SULT1C3: variants seen among roughly 807,000 people sequenced by gnomAD.
SULT1C3 encodes sulfotransferase 1C3.
In SULT1C3, 31 loss-of-function variants were observed where a neutral mutation model predicts 28.4. The observed-to-expected ratio is 1.09, with a 90% CI of 0.82 to 1.47. The LOEUF (loss-of-function observed/expected upper bound fraction) is 1.47. Ranked by LOEUF, SULT1C3 falls within the 40% of genes most tolerant of loss-of-function variation. SULT1C3 has a pLI of 0.00. For synonymous variants in SULT1C3, 106 were observed against 92.2 expected (o/e 1.15, Z -0.86); for missense variants, 307 against 272.5 (o/e 1.13, Z -0.89).
chr2:108,250,041 G>A (rs972109216), intron 2 of SULT1C3, among the ~76,000 whole-genome samples: 1 of 151,874 alleles, frequency 6.6e-6, no homozygotes, highest in Admixed American at 6.6e-5. Flanking sequence ...GAAAAAAATG[G>A]AAAGCACTAC....
chr2:108,258,825 A>G lies in SULT1C3; in HGVS notation c.618A>G (p.Lys206=), dbSNP rs1675942556. The part of the protein sequence containing the change: ...RILYLFYEDI[K]KNPKHEIHKV... The stretch of plus-strand genomic sequence containing the variant: ...TCTACCTCTTCTACGAGGATATTAA[A>G]AAAGTAAGTGGCACTGAGACTTATA... The change falls in exon 6 of 8, where the codon AAA becomes AAG. Residue 206 remains lysine (K), a synonymous_variant. Coordinates refer to ENST00000681802, the MANE Select transcript of SULT1C3 (RefSeq NM_001320878.2). The G allele has an allele frequency of 1.2e-6, 2 of 1,611,212 alleles. No homozygotes were observed. The highest frequency in any genetic ancestry group is 1.7e-6 in the Non-Finnish European group (2 of 1,178,176).
At chr2:108,255,271 T>C (rs1190809267) in intron 4 of SULT1C3, among the ~76,000 whole-genome samples, 1 of 151,926 alleles carries the variant, frequency 6.6e-6, no homozygotes, top group Non-Finnish European at 1.5e-5. Context: ...GCATATCACA[T>C]CATATTCCAT....
downstream of SULT1C3, chr2:108,265,211 C>T: frequency 6.3e-7 from 1 of 1,595,374 alleles, no homozygotes; most frequent in Non-Finnish European, 8.6e-7. Flanking sequence ...ACTCCTGCAG[C>T]AATCATTAAG....
At chr2:108,250,226 A>G (rs1304607972) in intron 2 of SULT1C3, among the ~76,000 whole-genome samples, 1 of 151,800 alleles carries the variant, frequency 6.6e-6, no homozygotes, top group African/African-American at 2.4e-5. Flanking sequence ...ACAACTAAGA[A>G]CAAAAAACAA....
chr2:108,260,362 G>C (rs967380407), intron 7 of SULT1C3, among the ~76,000 whole-genome samples: 1 of 152,120 alleles, frequency 6.6e-6, no homozygotes, highest in Non-Finnish European at 1.5e-5. Flanking sequence ...TGAGGAAGGA[G>C]TATAAGGATG....
chr2:108,264,941 G>A (rs1258035742), downstream of SULT1C3: 2 of 1,613,944 alleles, frequency 1.2e-6, no homozygotes, highest in East Asian at 2.2e-5. Flanking sequence ...AAAACCCAAT[G>A]ACCAACTATA....
At chr2:108,244,185 T>G (rs1675529438) in intron 1 of SULT1C3, among the ~76,000 whole-genome samples, 1 of 152,244 alleles carries the variant, frequency 6.6e-6, no homozygotes, top group African/African-American at 2.4e-5. Context: ...ACAATGATCC[T>G]TATTATCCCC....
intron 1 of SULT1C3, among the ~76,000 whole-genome samples, chr2:108,245,156 A>G (rs1222157158): frequency 4.6e-5 from 7 of 152,120 alleles, no homozygotes; most frequent in Non-Finnish European, 1.0e-4. Flanking sequence ...ACCCATTTAA[A>G]TGTGCCACCC....
chr2:108,241,064 T>G (rs915150015), intron 1 of SULT1C3, among the ~76,000 whole-genome samples: 1 of 152,166 alleles, frequency 6.6e-6, no homozygotes, highest in South Asian at 2.1e-4. Flanking sequence ...CAACATGGAG[T>G]TAGTTCCCAG....
chr2:108,253,248 A>C (rs1675778157), intron 3 of SULT1C3, 97 bp from the exon 4 acceptor site: 1 of 737,364 alleles, frequency 1.4e-6, no homozygotes, highest in South Asian at 5.1e-5. Context: ...GATATAAAAC[A>C]AAATATAATC....
intron 2 of SULT1C3, among the ~76,000 whole-genome samples, chr2:108,250,244 AT>A (rs1177814588): frequency 3.3e-5 from 5 of 151,974 alleles, no homozygotes; most frequent in Admixed American, 6.6e-5. Context: ...CAAAAAAAAA[AT>A]GTATTAAAGT....
At chr2:108,263,217 T>C (rs1346008403), downstream of SULT1C3, among the ~76,000 whole-genome samples, 3 of 152,164 alleles carry the variant, frequency 2.0e-5, no homozygotes, top group Admixed American at 6.5e-5. Context: ...ATAAAACTTA[T>C]ATAATCCTAA....
chr2:108,260,304 A>C (rs1367096600), intron 7 of SULT1C3, among the ~76,000 whole-genome samples: 1 of 152,072 alleles, frequency 6.6e-6, no homozygotes, highest in Non-Finnish European at 1.5e-5. Flanking sequence ...TGTACCCTGG[A>C]GCAGAAGATT....
chr2:108,264,835 G>A (rs760762798), downstream of SULT1C3: 54 of 1,609,628 alleles, frequency 3.4e-5, no homozygotes, highest in Admixed American at 1.0e-4. Flanking sequence ...GACCCAAAGC[G>A]GGAAATTGAG....
downstream of SULT1C3, among the ~76,000 whole-genome samples, chr2:108,262,461 T>A (rs1156521720): frequency 6.6e-6 from 1 of 152,224 alleles, no homozygotes; most frequent in Non-Finnish European, 1.5e-5. Context: ...ATTTCTTCCA[T>A]GCAATGGATG....
intron 5 of SULT1C3, among the ~76,000 whole-genome samples, chr2:108,257,382 T>C (rs1019689962): frequency 2.0e-5 from 3 of 152,044 alleles, no homozygotes; most frequent in African/African-American, 4.8e-5. Flanking sequence ...ATATACATTA[T>C]ATATGTACAT....
At chr2:108,264,396 G>A (rs369929158), downstream of SULT1C3, among the ~76,000 whole-genome samples, 10 of 152,146 alleles carry the variant, frequency 6.6e-5, no homozygotes, top group African/African-American at 2.2e-4. Context: ...GGTTCTTTTT[G>A]CCATCTGTTG....
intron 2 of SULT1C3, among the ~76,000 whole-genome samples, chr2:108,252,089 A>G (rs914730545): frequency 9.9e-5 from 15 of 151,994 alleles, no homozygotes; most frequent in Non-Finnish European, 2.1e-4. Flanking sequence ...ATACATACAT[A>G]CATACATACT....
At chr2:108,247,399 T>G (rs1476334844) in intron 2 of SULT1C3, 33 bp downstream of exon 2, 13 of 1,463,964 alleles carry the variant, frequency 8.9e-6, no homozygotes, top group African/African-American at 1.4e-5. Context: ...ATATTCAATA[T>G]TTTCACGTGA....
Sources: allele counts gnomAD v4.1 joint callset (sites outside exome capture counted in the v4.1 genomes callset), GRCh38; gene constraint gnomAD v4.1.1; transcripts MANE v1.5; gene names NCBI Gene and HGNC (gene_info 2026-07-23, HGNC 2026-07-21).